The following COP1 variants were observed in gnomAD, a reference collection of about 807,000 sequenced individuals.
The protein encoded by COP1 is E3 ubiquitin-protein ligase COP1.
In COP1, 24 loss-of-function variants were observed where a neutral mutation model predicts 101.3. The ratio of observed to expected loss-of-function variants is 0.24; its 90% CI spans 0.17 to 0.33. The LOEUF is 0.33. Among genes scored for constraint, COP1 ranks in the 10% least tolerant of loss-of-function variants. The pLI, the probability that COP1 is intolerant of heterozygous loss-of-function variation, is 1.00. For synonymous variants in COP1, 347 were observed against 341.9 expected (o/e 1.01, Z -0.17); for missense variants, 663 against 906.2 (o/e 0.73, Z 3.45).
intron 15 of COP1, among the ~76,000 whole-genome samples, chr1:176,025,793 G>A (rs1230245957): frequency 6.6e-6 from 1 of 152,060 alleles, no homozygotes; most frequent in Non-Finnish European, 1.5e-5. Flanking sequence ...GGGAGGCTGA[G>A]GTTGGAGGAT....
At chr1:175,969,798 G>T (rs1452752684) in intron 18 of COP1, among the ~76,000 whole-genome samples, 1 of 152,056 alleles carries the variant, frequency 6.6e-6, no homozygotes, top group Non-Finnish European at 1.5e-5. Context: ...CTAAACAAAT[G>T]AATGGTAGTT....
At chr1:176,134,406 C>A (rs1689464251) in intron 8 of COP1, among the ~76,000 whole-genome samples, 1 of 152,028 alleles carries the variant, frequency 6.6e-6, no homozygotes, top group Admixed American at 6.6e-5. Context: ...GAAACACACA[C>A]ATTCACCATG....
chr1:176,151,197 C>A (rs575556258), intron 5 of COP1, among the ~76,000 whole-genome samples: 1 of 146,672 alleles, frequency 6.8e-6, no homozygotes, highest in African/African-American at 2.5e-5. Flanking sequence ...CTCCCATTTT[C>A]GGATAAGGAA....
intron 6 of COP1, among the ~76,000 whole-genome samples, chr1:176,142,228 T>C (rs1690811010): frequency 1.3e-5 from 2 of 151,436 alleles, no homozygotes; most frequent in South Asian, 4.2e-4. Context: ...ATACAAAAAA[T>C]TTACTTTAAA....
chr1:176,070,333 CCTTTTTTTTTTTTTTTTAA>C (rs1347222289), intron 11 of COP1, among the ~76,000 whole-genome samples: 2 of 142,908 alleles, frequency 1.4e-5, no homozygotes, highest in Admixed American at 1.4e-4. Context: ...ACTTGTGCTG[CCTTTTTTTTTTTTTTTTAA>C]CTTTTTTTTT....
chr1:176,107,767 A>G (rs1313842224), intron 9 of COP1, among the ~76,000 whole-genome samples: 2 of 152,222 alleles, frequency 1.3e-5, no homozygotes, highest in Non-Finnish European at 2.9e-5. Context: ...ACCAGCACTG[A>G]GACAAATAGA....
At chr1:176,205,563 A>G (rs1181469972) in intron 1 of COP1, among the ~76,000 whole-genome samples, 1 of 152,202 alleles carries the variant, frequency 6.6e-6, no homozygotes, top group African/African-American at 2.4e-5. Context: ...TTTGATCAAC[A>G]ATTTCCTCAA....
At position 176,008,529 on chromosome 1, in the gene COP1, T is replaced by C. The variant is rs576031940; in HGVS notation, c.1729+19043A>G. Among the ~76,000 whole-genome samples the C allele has an allele frequency of 6.6e-5, 10 of 152,358 alleles. No homozygotes were observed. In the South Asian group the frequency reaches 2.1e-3, roughly 32 times the overall value. ...ATTTGTCATATTTTCCTTTAACTCT[T>C]TGTGGTTTAATTACCTTTTTTGAAT... On this transcript the variant is annotated intron_variant, in intron 15 of 19. Transcript: ENST00000367669.
chr1:176,181,021 C>A (rs1000536995), intron 2 of COP1, among the ~76,000 whole-genome samples: 5 of 152,104 alleles, frequency 3.3e-5, no homozygotes, highest in Non-Finnish European at 5.9e-5. Context: ...CTGGAGGCAG[C>A]AAATGGGCAA....
chr1:176,090,807 G>T (rs537857405), intron 9 of COP1, among the ~76,000 whole-genome samples: 1 of 152,274 alleles, frequency 6.6e-6, no homozygotes, highest in East Asian at 1.9e-4. Context: ...CAGAAGAAAA[G>T]ACCAAGAAAC....
intron 18 of COP1, among the ~76,000 whole-genome samples, chr1:175,967,825 T>C (rs974817091): frequency 1.5e-4 from 23 of 152,184 alleles, no homozygotes; most frequent in Non-Finnish European, 3.2e-4. Context: ...CTGGTAACCC[T>C]GAATTCGTTA....
chr1:176,137,331 A>G (rs1055792390), intron 6 of COP1, among the ~76,000 whole-genome samples: 2 of 152,194 alleles, frequency 1.3e-5, no homozygotes, highest in African/African-American at 4.8e-5. Context: ...ATTCTGGAAC[A>G]TATTGTTCTT....
chr1:176,099,790 G>A (rs1044162805), intron 9 of COP1, among the ~76,000 whole-genome samples: 3 of 152,102 alleles, frequency 2.0e-5, no homozygotes, highest in African/African-American at 4.8e-5. Flanking sequence ...GCTGTAGAGG[G>A]TTCCTGACCT....
At chr1:176,015,531 A>G (rs1203261070) in intron 15 of COP1, among the ~76,000 whole-genome samples, 2 of 152,184 alleles carry the variant, frequency 1.3e-5, no homozygotes, top group Non-Finnish European at 2.9e-5. Context: ...AAGACATACA[A>G]TAATTGAGCT....
intron 15 of COP1, among the ~76,000 whole-genome samples, chr1:176,022,208 G>A (rs1319064429): frequency 6.6e-6 from 1 of 152,168 alleles, no homozygotes; most frequent in East Asian, 1.9e-4. Flanking sequence ...AGTACAAAGA[G>A]AAACAAACTT....
chr1:175,997,079 C>G (rs1473773815), intron 15 of COP1, among the ~76,000 whole-genome samples: 2 of 151,992 alleles, frequency 1.3e-5, no homozygotes, highest in Non-Finnish European at 2.9e-5. Flanking sequence ...GAACACAGTC[C>G]TCAGAAATAA....
chr1:176,136,575 A>T, intron 6 of COP1, 28 bp from the exon 7 acceptor site: 1 of 296,110 alleles, frequency 3.4e-6, no homozygotes, highest in Admixed American at 7.0e-5. Context: ...AGAGAAAGAC[A>T]AAAAAAAAAA....
chr1:176,117,827 G>A (rs1435479780), intron 8 of COP1, among the ~76,000 whole-genome samples: 1 of 151,988 alleles, frequency 6.6e-6, no homozygotes, highest in East Asian at 1.9e-4. Context: ...CTTGTGAGAC[G>A]GAGGTTGCAG....
At chr1:175,999,450 T>C (rs1661073962) in intron 15 of COP1, among the ~76,000 whole-genome samples, 1 of 152,136 alleles carries the variant, frequency 6.6e-6, no homozygotes, top group Non-Finnish European at 1.5e-5. Context: ...ATTCTTTTTT[T>C]TAATGGCTGA....
Sources: allele counts gnomAD v4.1 joint callset (sites outside exome capture counted in the v4.1 genomes callset), GRCh38; gene constraint gnomAD v4.1.1; transcripts MANE v1.5; gene names NCBI Gene and HGNC (gene_info 2026-07-23, HGNC 2026-07-21).